KDM2B: variants seen among roughly 807,000 people sequenced by gnomAD.
The protein encoded by KDM2B is lysine demethylase 2B.
In KDM2B, 26 loss-of-function variants were observed where a neutral mutation model predicts 150.0. That is an observed-to-expected ratio of 0.17 (90% CI 0.13 to 0.24). The LOEUF is 0.24. Among genes scored for constraint, KDM2B ranks in the 10% least tolerant of loss-of-function variants. The pLI is 1.00. For missense variants in KDM2B, 1,265 were observed against 1,816.9 expected (o/e 0.70, Z 5.52); for synonymous variants, 734 against 729.5 (o/e 1.01, Z -0.10).
chr12:121,456,413 G>A (rs1366824785), intron 12 of KDM2B, among the ~76,000 whole-genome samples: 4 of 152,158 alleles, frequency 2.6e-5, no homozygotes, highest in East Asian at 1.9e-4. Context: ...CAAACGACAG[G>A]TGCCCTGTTA....
At chr12:121,458,960 C>G (rs1363120033) in intron 12 of KDM2B, among the ~76,000 whole-genome samples, 1 of 151,844 alleles carries the variant, frequency 6.6e-6, no homozygotes, top group African/African-American at 2.4e-5. Flanking sequence ...GTGGCACACA[C>G]CTGTAGTCCC....
intron 21 of KDM2B, chr12:121,440,459 G>C (rs143033608): frequency 5.2e-6 from 2 of 381,852 alleles, no homozygotes; most frequent in South Asian, 3.0e-5. Context: ...CACTGATCCC[G>C]ATGGCAGTGG....
chr12:121,412,010 A>G, the KDM2B span, among the ~76,000 whole-genome samples: 3 of 152,328 alleles, frequency 2.0e-5, no homozygotes, highest in South Asian at 4.1e-4. Context: ...TTAAGAGTGC[A>G]TACTCTAAAG....
chr12:121,560,804 A>C (rs1555313738), intron 4 of KDM2B, among the ~76,000 whole-genome samples: 1 of 152,130 alleles, frequency 6.6e-6, no homozygotes, highest in East Asian at 1.9e-4. Flanking sequence ...ACCGGGGAGG[A>C]GGCAGGTAGC....
intron 22 of KDM2B, among the ~76,000 whole-genome samples, chr12:121,434,406 G>A (rs550461669): frequency 1.1e-4 from 17 of 149,642 alleles, no homozygotes; most frequent in Middle Eastern, 3.4e-3. Flanking sequence ...TGAGGCAGGA[G>A]AATCACTTGA....
intron 12 of KDM2B, among the ~76,000 whole-genome samples, chr12:121,477,696 G>A (rs905184904): frequency 6.6e-6 from 1 of 150,696 alleles, no homozygotes; most frequent in Admixed American, 6.6e-5. Flanking sequence ...TTGTGCCTCA[G>A]CCTCCAGAGT....
chr12:121,578,223 C>T (rs1277941296), intron 2 of KDM2B, among the ~76,000 whole-genome samples: 1 of 152,224 alleles, frequency 6.6e-6, no homozygotes, highest in Non-Finnish European at 1.5e-5. Context: ...CTTCAGGGCT[C>T]ATGGGGTCCC....
At chr12:121,477,470 A>AACTCCTGAGCTCAAGGGATCCTCCC (rs1881509177) in intron 12 of KDM2B, among the ~76,000 whole-genome samples, 2 of 152,012 alleles carry the variant, frequency 1.3e-5, no homozygotes, top group Non-Finnish European at 2.9e-5. Flanking sequence ...TACACCCTCC[A>AACTCCTGAGCTCAAGGGATCCTCCC]ACTCCTGAGC....
In KDM2B at chr12:121,444,129, C is replaced by T. The variant is rs200295291; in HGVS notation, c.2334G>A (p.Ser778=). 1.3e-4 allele frequency: 203 copies of T among 1,613,102 alleles called. No individual in the cohort carries two copies. The highest frequency in any genetic ancestry group is 3.4e-4 in the South Asian group (31 of 91,090). The change falls in exon 16 of 23, where the codon TCG becomes TCA. Residue 778 remains serine, a synonymous_variant. Coordinates refer to ENST00000377071, the MANE Select transcript of KDM2B (RefSeq NM_032590.5). ...SECEEAPRRR[S]DEHSKKVPPD... ...GCGGCACCTTCTTCGAGTGCTCATC[C>T]GACCTGCGCCGGGGCGCCTCCTCAC...
chr12:121,420,194 A>AAATACAGATTGATTCCTGACCT, the KDM2B span: 2 of 1,577,450 alleles, frequency 1.3e-6, no homozygotes, highest in Admixed American at 3.3e-5. Flanking sequence ...CTCTAGTGAT[A>AAATACAGATTGATTCCTGACCT]AATACAGATT....
At chr12:121,499,040 C>G (rs535259915) in intron 11 of KDM2B, among the ~76,000 whole-genome samples, 19 of 151,714 alleles carry the variant, frequency 1.3e-4, no homozygotes, top group African/African-American at 4.1e-4. Context: ...CAAATTCCTA[C>G]GGTCAACTGA....
In KDM2B at chr12:121,577,635, G is replaced by A. The variant is rs1891590990; in HGVS notation, c.271+1167C>T. Reference sequence around the variant, plus strand: ...CCACTCAACCAGAACCTGGAGGAGGGAAGGAGGCACTCCAGGTTATCAGCT... The same window carrying A: ...CCACTCAACCAGAACCTGGAGGAGGAAAGGAGGCACTCCAGGTTATCAGCT... On this transcript the variant is annotated intron_variant, in intron 2 of 22. Coordinates refer to ENST00000377071, the MANE Select transcript of KDM2B (RefSeq NM_032590.5). Among the ~76,000 whole-genome samples the A allele has an allele frequency of 2.0e-5, 3 of 152,236 alleles. No homozygotes were observed. The South Asian group carries it at 6.2e-4, about 31-fold the overall frequency.
chr12:121,430,768 T>G lies in KDM2B; in HGVS notation c.3830-299A>C. 1 of 550,406 alleles carries G rather than the reference T, an allele frequency of 1.8e-6. No homozygotes were observed. The highest frequency in any genetic ancestry group is 3.2e-6 in the Non-Finnish European group (1 of 311,710). 34.1% of individuals were successfully genotyped at this position (550,406 alleles called of 1,614,324 possible). A position where few individuals can be genotyped will look rare whatever the true frequency, so the allele number is the denominator to read the frequency against. Reference sequence around the variant, plus strand: ...TACGTGCGTATGCTCATGTAAGTAGTTCTATGTGCTTTTACAATGATAGGT... The same window carrying G: ...TACGTGCGTATGCTCATGTAAGTAGGTCTATGTGCTTTTACAATGATAGGT... On this transcript the variant is annotated intron_variant, in intron 22 of 22. Transcript: ENST00000377071. This position sits in a 1 kb window ranked among gnomAD's most constrained non-coding sequence, Gnocchi z 4.4.
At position 121,509,708 on chromosome 12, in the gene KDM2B, G is replaced by C. The variant is rs782157640; in HGVS notation, c.1506C>G (p.Val502=). 6.2e-7 allele frequency: 1 copy of C among 1,614,132 alleles called. No individual in the cohort carries two copies. Among genetic ancestry groups the C allele is most frequent in the South Asian group, 1.1e-5 (1 of 91,074 alleles). Residue 502 remains valine (V), a synonymous_variant, in exon 11 of 23, where the codon GTC becomes GTG. Coordinates refer to ENST00000377071, the MANE Select transcript of KDM2B (RefSeq NM_032590.5). The part of the protein sequence containing the change: ...KTPTGSPATE[V]SAKWTHLTEF... ...CAGTGAGATGGGTCCATTTGGCAGA[G>C]ACCTCCGTGGCGGGAGAGCCGGTGG...
intron 22 of KDM2B, among the ~76,000 whole-genome samples, chr12:121,436,998 C>T (rs1555286936): frequency 6.6e-6 from 1 of 152,180 alleles, no homozygotes; most frequent in Non-Finnish European, 1.5e-5. Flanking sequence ...AATTCAGACA[C>T]ACAGGGTCTA....
rs577836518 is a variant in KDM2B, at chr12:121,478,581, G to A, written c.1734+15998C>T. Among the ~76,000 whole-genome samples the A allele has an allele frequency of 8.7e-4, 132 of 151,580 alleles. 1 individual carries two copies. Among genetic ancestry groups the A allele is most frequent in the Non-Finnish European group, 1.2e-3 (83 of 67,854 alleles). ...TCACCGTGTTAACCAGGATGGTCTC[G>A]ATCTTCTGACCTCATGATCCACCCG... is the stretch of plus-strand genomic sequence containing the variant. On this transcript the variant is annotated intron_variant, in intron 12 of 22. Transcript: ENST00000377071.
chr12:121,548,337 G>A (rs1460215921), intron 6 of KDM2B, among the ~76,000 whole-genome samples: 1 of 152,148 alleles, frequency 6.6e-6, no homozygotes, highest in Non-Finnish European at 1.5e-5. Context: ...CTGCTCAGAG[G>A]GCACTGTCTA....
intron 6 of KDM2B, among the ~76,000 whole-genome samples, chr12:121,543,040 A>G (rs140161643): frequency 6.6e-6 from 1 of 152,324 alleles, no homozygotes; most frequent in Non-Finnish European, 1.5e-5. Context: ...GTTTTTAAGT[A>G]TCTCAACTAA....
At chr12:121,522,202 T>A (rs1345730293) in intron 8 of KDM2B, among the ~76,000 whole-genome samples, 7 of 151,896 alleles carry the variant, frequency 4.6e-5, no homozygotes, top group African/African-American at 1.5e-4. Flanking sequence ...TTAATTCTCA[T>A]GAAATCCCGA....
Sources: allele counts gnomAD v4.1 joint callset (sites outside exome capture counted in the v4.1 genomes callset), GRCh38; gene constraint gnomAD v4.1.1; non-coding constraint Gnocchi (gnomAD v3.1); transcripts MANE v1.5; gene names NCBI Gene and HGNC (gene_info 2026-07-23, HGNC 2026-07-21).